The following NSMAF variants were observed in gnomAD, a reference collection of about 807,000 sequenced individuals.
The protein encoded by NSMAF is protein FAN.
A neutral mutation model predicts 134.9 loss-of-function variants in NSMAF; 90 were observed. That is an observed-to-expected ratio of 0.67 (90% CI 0.56 to 0.79). The LOEUF is 0.79. Ranked by LOEUF, NSMAF falls within the 30% of genes least tolerant of loss-of-function variation. The pLI, the probability that NSMAF is intolerant of heterozygous loss-of-function variation, is 0.00. For synonymous variants in NSMAF, 358 were observed against 389.6 expected (o/e 0.92, Z 0.96); for missense variants, 1,010 against 1,119.0 (o/e 0.90, Z 1.39).
intron 10 of NSMAF, among the ~76,000 whole-genome samples, chr8:58,608,757 G>A (rs1806461492): frequency 6.6e-6 from 1 of 152,196 alleles, no homozygotes; most frequent in Middle Eastern, 3.2e-3. Flanking sequence ...CCACCTAGTG[G>A]ACACAATCAC....
chr8:58,631,479 T>A lies in NSMAF; in HGVS notation c.384+17A>T. ...GACTATATAAATTGCTGGAAATACATGAAAAGCTTTACTTACCCTTTCTAT... is the reference window on the plus strand; with the variant it reads ...GACTATATAAATTGCTGGAAATACAAGAAAAGCTTTACTTACCCTTTCTAT... On this transcript the variant is annotated intron_variant, in intron 6 of 30. Coordinates refer to ENST00000038176, the MANE Select transcript of NSMAF (RefSeq NM_003580.4). 1.4e-6 allele frequency: 2 copies of A among 1,448,160 alleles called. No homozygotes were observed. Among genetic ancestry groups the A allele is most frequent in the Non-Finnish European group, 1.9e-6 (2 of 1,061,936 alleles). The allele number at this position is 1,448,160 out of a possible 1,614,324, so 89.7% of individuals were successfully genotyped here.
At chr8:58,613,727 A>G (rs1806587250) in intron 9 of NSMAF, among the ~76,000 whole-genome samples, 1 of 152,216 alleles carries the variant, frequency 6.6e-6, no homozygotes, top group Admixed American at 6.5e-5. Context: ...TTATATTATA[A>G]TTGCCTATAG....
At chr8:58,638,436 T>C (rs1462266888) in intron 2 of NSMAF, among the ~76,000 whole-genome samples, 1 of 151,382 alleles carries the variant, frequency 6.6e-6, no homozygotes, top group Non-Finnish European at 1.5e-5. Flanking sequence ...CAAAACAGCA[T>C]GATACAGCTG....
At chr8:58,651,932 T>C (rs1807593714) in intron 1 of NSMAF, among the ~76,000 whole-genome samples, 1 of 152,200 alleles carries the variant, frequency 6.6e-6, no homozygotes, top group Non-Finnish European at 1.5e-5. Flanking sequence ...TTCTGATATC[T>C]ACATAAAACA....
At chr8:58,658,405 T>C (rs1036534838) in intron 1 of NSMAF, among the ~76,000 whole-genome samples, 1 of 152,234 alleles carries the variant, frequency 6.6e-6, no homozygotes. Flanking sequence ...TCTTCTTCTC[T>C]ACAGTAGAAA....
intron 5 of NSMAF, among the ~76,000 whole-genome samples, chr8:58,634,969 G>A (rs1168407249): frequency 6.6e-6 from 1 of 152,090 alleles, no homozygotes; most frequent in Non-Finnish European, 1.5e-5. Flanking sequence ...GAGCTCCAAG[G>A]ACAAAACCGC....
Position 58,595,586 on chromosome 8 carries a change from TA to T in NSMAF, c.1865del (p.Leu622TyrfsTer33). 6.2e-7 allele frequency: 1 copy of T among 1,613,862 alleles called. No individual in the cohort carries two copies. Among genetic ancestry groups the T allele is most frequent in the Non-Finnish European group, 8.5e-7 (1 of 1,179,710 alleles). On this transcript the variant is annotated frameshift_variant, in exon 22 of 31. Coordinates refer to ENST00000038176, the MANE Select transcript of NSMAF (RefSeq NM_003580.4). LOFTEE classifies it high-confidence loss of function. ...LAWNNITKLQ[L>X]HEHYKIHKEA... ...CTTTGTGGATTTTATAGTGCTCGTG[TA>T]ACTGCAGTTTGGTGATGTTATTCCA...
chr8:58,642,521 T>C (rs1807359069), intron 2 of NSMAF, among the ~76,000 whole-genome samples: 1 of 152,220 alleles, frequency 6.6e-6, no homozygotes, highest in African/African-American at 2.4e-5. Flanking sequence ...ATACCACTCT[T>C]GTGGTTTATA....
chr8:58,636,773 A>G (rs1192781956), intron 2 of NSMAF, among the ~76,000 whole-genome samples: 2 of 152,216 alleles, frequency 1.3e-5, no homozygotes, highest in African/African-American at 4.8e-5. Context: ...CAAGGGCTGT[A>G]GTTTGCCAAG....
At chr8:58,635,616 T>C (rs1807157099) in intron 2 of NSMAF, 70 bp from the exon 3 acceptor site, 1 of 925,356 alleles carries the variant, frequency 1.1e-6, no homozygotes, top group Non-Finnish European at 1.7e-6. Flanking sequence ...TAGTACATTT[T>C]AACTAGAAAG....
At position 58,605,891 on chromosome 8, in the gene NSMAF, A is replaced by AGG. The variant is rs1806395164; in HGVS notation, c.868+35_868+36insCC. 2.6e-6 allele frequency: 4 copies of AGG among 1,522,220 alleles called. No individual in the cohort carries two copies. In the African/African-American group the frequency reaches 5.7e-5, roughly 22 times the overall value. 94.3% of individuals were successfully genotyped at this position (1,522,220 alleles called of 1,614,324 possible). A position where few individuals can be genotyped will look rare whatever the true frequency, so the allele number is the denominator to read the frequency against. Reference sequence around the variant, plus strand: ...CGAGACTCAGCCTCCAAAAAAAAAAAAAAAAGAAAGAAACAATGAAGGGTG... The same window carrying AGG: ...CGAGACTCAGCCTCCAAAAAAAAAAAGGAAAAAGAAAGAAACAATGAAGGGTG... On this transcript the variant is annotated intron_variant, in intron 12 of 30. Transcript: ENST00000038176.
At chr8:58,620,695 T>C (rs1289608470) in intron 9 of NSMAF, among the ~76,000 whole-genome samples, 1 of 152,180 alleles carries the variant, frequency 6.6e-6, no homozygotes, top group Non-Finnish European at 1.5e-5. Context: ...ACTCTTTTGC[T>C]TGTTACTGTT....
intron 1 of NSMAF, chr8:58,659,341 C>G (rs1366145555): frequency 7.9e-6 from 12 of 1,527,204 alleles, no homozygotes; most frequent in East Asian, 5.2e-5. Context: ...TGGCCTGGCC[C>G]GTCATCCAGT....
chr8:58,597,514 C>A lies in NSMAF; in HGVS notation c.1665G>T (p.Thr555=), dbSNP rs2228506. The change falls in exon 21 of 31, where the codon ACG becomes ACT. Residue 555 remains threonine, a synonymous_variant. Transcript: ENST00000038176. The part of the protein sequence containing the change: ...QDPDEKVAML[T]QILEFGQTPK... ...GTGTCTGCCCAAATTCCAAGATTTG[C>A]GTAAGCATGGCTACCTTCTCATCAG... 12 of 1,614,130 alleles carry A rather than the reference C, an allele frequency of 7.4e-6. No individual in the cohort carries two copies. The Admixed American group carries it at 1.7e-4, about 22-fold the overall frequency.
chr8:58,603,735 G>A (rs1057075500), intron 12 of NSMAF, among the ~76,000 whole-genome samples: 19 of 151,992 alleles, frequency 1.3e-4, no homozygotes, highest in Non-Finnish European at 1.5e-5. Flanking sequence ...CTGTCTCCAT[G>A]CATTTAAAAA....
In NSMAF at chr8:58,659,588, A is replaced by G. The variant is rs1297886396; in HGVS notation, c.44T>C (p.Leu15Pro). 2 of 1,507,286 alleles carry G rather than the reference A, an allele frequency of 1.3e-6. No individual in the cohort carries two copies. The highest frequency in any genetic ancestry group is 2.5e-5 in the South Asian group (2 of 79,132). 93.4% of individuals were successfully genotyped at this position (1,507,286 alleles called of 1,614,324 possible). Reference sequence around the variant, plus strand: ...GGGCGCGCACCTCTCCTTGGAGTAGAGCTGCAGCTGCTGCTCCTGCTGCTT... The same window carrying G: ...GGGCGCGCACCTCTCCTTGGAGTAGGGCTGCAGCTGCTGCTCCTGCTGCTT... ...RKKQQEQQLQ[L>P]YSKERFSLLL... is the part of the protein sequence containing the mutation. Residue 15 changes from leucine to proline, a missense_variant, in exon 1 of 31, where the codon CTC (leucine) becomes CCC (proline). Leu to Pro is a moderately conservative substitution (Grantham distance 98, BLOSUM62 -3). Transcript: ENST00000038176.
chr8:58,625,415 T>C (rs535333934), intron 6 of NSMAF, among the ~76,000 whole-genome samples: 26 of 152,154 alleles, frequency 1.7e-4, no homozygotes, highest in African/African-American at 6.3e-4. Flanking sequence ...TGTATGTATG[T>C]ATATATATGT....
chr8:58,625,882 C>G (rs1231800326), intron 6 of NSMAF, among the ~76,000 whole-genome samples: 1 of 151,994 alleles, frequency 6.6e-6, no homozygotes, highest in Non-Finnish European at 1.5e-5. Context: ...GACATTTTAT[C>G]ATGACATAGT....
intron 1 of NSMAF, among the ~76,000 whole-genome samples, chr8:58,649,682 G>A (rs901702706): frequency 5.3e-5 from 8 of 152,162 alleles, no homozygotes; most frequent in Non-Finnish European, 1.0e-4. Context: ...ATCCGGTTGT[G>A]GTTGTTTAAA....
Sources: allele counts gnomAD v4.1 joint callset (sites outside exome capture counted in the v4.1 genomes callset), GRCh38; gene constraint gnomAD v4.1.1; transcripts MANE v1.5; gene names NCBI Gene and HGNC (gene_info 2026-07-23, HGNC 2026-07-21).